Variants in MPP7 observed in about 807,000 individuals in gnomAD.
The protein encoded by MPP7 is MAGUK p55 subfamily member 7.
In MPP7, 60 loss-of-function variants were observed where a neutral mutation model predicts 76.5. That is an observed-to-expected ratio of 0.78 (90% CI 0.64 to 0.97). The LOEUF (loss-of-function observed/expected upper bound fraction) is 0.97. Among genes scored for constraint, MPP7 ranks in the 50% least tolerant of loss-of-function variants. MPP7 has a pLI of 0.00. For synonymous variants in MPP7, 237 were observed against 244.5 expected (o/e 0.97, Z 0.29); for missense variants, 641 against 694.0 (o/e 0.92, Z 0.86).
intron 13 of MPP7, among the ~76,000 whole-genome samples, chr10:28,060,245 C>T (rs1359351112): frequency 1.3e-5 from 2 of 152,020 alleles, no homozygotes; most frequent in Non-Finnish European, 2.9e-5. Context: ...GTGTGCTACT[C>T]ATTCCTCCTT....
At chr10:28,067,031 G>A (rs151104665) in intron 13 of MPP7, among the ~76,000 whole-genome samples, 16 of 152,202 alleles carry the variant, frequency 1.1e-4, no homozygotes, top group East Asian at 7.7e-4. Flanking sequence ...TTTGGTGAAC[G>A]TACTTATGCA....
At chr10:28,315,019 A>G (rs1841310308) in intron 2 of MPP7, among the ~76,000 whole-genome samples, 1 of 151,946 alleles carries the variant, frequency 6.6e-6, no homozygotes, top group Non-Finnish European at 1.5e-5. Context: ...GTGGTGGTAC[A>G]CACCTGTAGA....
At chr10:28,125,322 A>C (rs1834984574) in intron 6 of MPP7, among the ~76,000 whole-genome samples, 1 of 152,234 alleles carries the variant, frequency 6.6e-6, no homozygotes, top group Admixed American at 6.5e-5. Flanking sequence ...GCCCAATTTA[A>C]GGATTTTTGA....
rs115353680 is a variant in MPP7 at position 28,138,668 on chromosome 10, G to T, written c.316-6977C>A. On this transcript the variant is annotated intron_variant, in intron 5 of 16. Transcript: ENST00000683449. ...ACTATCAAAGACTTGAGGGCAACAG[G>T]TTATACAAGAAAAGTGTTGGCATTC... Among the ~76,000 whole-genome samples, 518 of 152,256 alleles carry T rather than the reference G, an allele frequency of 3.4e-3. 1 individual carries two copies. Among genetic ancestry groups the T allele is most frequent in the African/African-American group, 0.011 (452 of 41,532 alleles).
chr10:28,253,094 G>T (rs9663446), intron 1 of MPP7, among the ~76,000 whole-genome samples: 54,237 of 151,892 alleles, frequency 0.36, 9,865 homozygotes, highest in Non-Finnish European at 0.4. Context: ...TTTTAGTAGA[G>T]ATGGGTTTTC....
At chr10:28,209,183 G>A (rs11006919) in intron 2 of MPP7, among the ~76,000 whole-genome samples, 12,036 of 152,086 alleles carry the variant, frequency 0.079, 1,243 homozygotes, top group East Asian at 0.49. Context: ...TTGCCCAGTC[G>A]CAAGTATTCC....
chr10:28,203,195 C>T (rs998809250), intron 2 of MPP7: 8 of 152,136 alleles, frequency 5.3e-5, no homozygotes, highest in Admixed American at 1.3e-4. Flanking sequence ...TACAAAAACA[C>T]CAAGACCTCC....
chr10:28,227,791 G>T (rs1208226425), intron 2 of MPP7, among the ~76,000 whole-genome samples: 1 of 152,186 alleles, frequency 6.6e-6, no homozygotes, highest in Non-Finnish European at 1.5e-5. Flanking sequence ...ATGCATGCAT[G>T]TATCTTTATA....
At chr10:28,224,205 T>A in intron 2 of MPP7, among the ~76,000 whole-genome samples, 1 of 151,766 alleles carries the variant, frequency 6.6e-6, no homozygotes, top group East Asian at 1.9e-4. Context: ...AATAAATAAA[T>A]ACACAATTTC....
At chr10:28,058,729 A>G in intron 14 of MPP7, 126 bp from the exon 15 acceptor site, 4 of 469,258 alleles carry the variant, frequency 8.5e-6, no homozygotes, top group Non-Finnish European at 7.6e-6. Context: ...GTTTAATAAT[A>G]TAAACAGAGC....
At chr10:28,110,424 AT>A (rs1157405842) in intron 11 of MPP7, among the ~76,000 whole-genome samples, 1 of 152,110 alleles carries the variant, frequency 6.6e-6, no homozygotes, top group African/African-American at 2.4e-5. Flanking sequence ...ATGCCACCTG[AT>A]CCCCCAAAGT....
At chr10:28,184,617 A>G (rs1225754158) in intron 3 of MPP7, among the ~76,000 whole-genome samples, 1 of 149,636 alleles carries the variant, frequency 6.7e-6, no homozygotes, top group East Asian at 1.9e-4. Context: ...CTGACACGTA[A>G]GAATCACTTG....
chr10:28,144,888 A>G (rs1033468964), intron 5 of MPP7, among the ~76,000 whole-genome samples: 21 of 152,172 alleles, frequency 1.4e-4, no homozygotes, highest in Admixed American at 9.2e-4. Context: ...GGCACACACT[A>G]GGCATTAGAA....
chr10:28,279,774 A>C (rs1052720544), intron 1 of MPP7, among the ~76,000 whole-genome samples: 1 of 152,024 alleles, frequency 6.6e-6, no homozygotes, highest in African/African-American at 2.4e-5. Context: ...CAGGGATGTA[A>C]GTTTAAGGAC....
intron 12 of MPP7, among the ~76,000 whole-genome samples, chr10:28,076,586 T>C (rs572982200): frequency 5.4e-4 from 82 of 151,938 alleles, no homozygotes; most frequent in African/African-American, 1.9e-3. Context: ...AACACTATTA[T>C]AAAATCCAAA....
intron 3 of MPP7, among the ~76,000 whole-genome samples, chr10:28,164,048 A>C (rs1234162392): frequency 2.6e-5 from 4 of 152,222 alleles, no homozygotes; most frequent in Non-Finnish European, 5.9e-5. Flanking sequence ...AAGGCTTGTG[A>C]GACACCCACG....
At chr10:28,113,027 C>T (rs1424929795) in intron 11 of MPP7, among the ~76,000 whole-genome samples, 2 of 152,182 alleles carry the variant, frequency 1.3e-5, no homozygotes, top group Non-Finnish European at 2.9e-5. Context: ...CAACTGCCTG[C>T]TGGTGACCAC....
chr10:28,332,278 T>TGTG (rs1554871693), intron 1 of MPP7, among the ~76,000 whole-genome samples: 2 of 151,804 alleles, frequency 1.3e-5, no homozygotes, highest in Non-Finnish European at 1.5e-5. Context: ...TGTGTGTGTG[T>TGTG]TTAATAAATT....
rs1851400242 is a variant in MPP7 at position 28,052,629 on chromosome 10, CT to C, written c.*1435del. ...AAACTACTCTTTTAAATTAGGACAT[CT>C]TGACATACAATCAGTTTATTTTATG... On this transcript the variant is annotated 3_prime_UTR_variant, in exon 17 of 17. Transcript: ENST00000683449. 1 of 152,558 alleles carries C rather than the reference CT, an allele frequency of 6.6e-6. No homozygotes were observed. Among genetic ancestry groups the C allele is most frequent in the Non-Finnish European group, 1.5e-5 (1 of 68,036 alleles). The allele number at this position is 152,558 out of a possible 1,614,324, so 9.5% of individuals were successfully genotyped here.
Sources: gnomAD v4.1 joint callset for allele counts (sites outside exome capture counted in the v4.1 genomes callset) on GRCh38, gnomAD v4.1.1 for gene constraint, MANE v1.5 for transcripts, NCBI Gene and HGNC (gene_info 2026-07-23, HGNC 2026-07-21) for gene names.